CACNA2D3: variants seen among roughly 807,000 people sequenced by gnomAD.
CACNA2D3 encodes the protein calcium voltage-gated channel auxiliary subunit alpha2delta 3.
A neutral mutation model predicts 160.6 loss-of-function variants in CACNA2D3; 60 were observed. The observed-to-expected ratio is 0.37, with a 90% CI of 0.30 to 0.46. CACNA2D3 has a LOEUF of 0.46. CACNA2D3 is among the 20% of genes least tolerant of loss of function. The pLI, the probability that CACNA2D3 is intolerant of heterozygous loss-of-function variation, is 1.00. For synonymous variants in CACNA2D3, 558 were observed against 492.9 expected, an observed-to-expected ratio of 1.13 and a Z score of -1.75; for missense variants, 1,205 against 1,365.0, an observed-to-expected ratio of 0.88 and a Z score of 1.85.
chr3:54,523,446 A>G (rs1701678161), intron 5 of CACNA2D3, among the ~76,000 whole-genome samples: 1 of 152,184 alleles, frequency 6.6e-6, no homozygotes, highest in African/African-American at 2.4e-5. Flanking sequence ...TTGGTTTGTT[A>G]GTATGACGTT....
rs543916846 is a variant in CACNA2D3, at chr3:55,061,935, ATATC to A, written c.2988-11509_2988-11506del. ...TTTGTACCAAAAGAAGGGAGATTGG[ATATC>A]AAAGAGAAACTTCTATAGAAGGTCA... On this transcript the variant is annotated intron_variant, in intron 35 of 37. Transcript: ENST00000474759. Among the ~76,000 whole-genome samples the A allele has an allele frequency of 6.2e-4, 95 of 152,276 alleles. 2 individuals carry two copies. The South Asian group carries it at 0.019, about 31-fold the overall frequency.
chr3:54,798,226 G>A (rs1702908267), intron 13 of CACNA2D3, among the ~76,000 whole-genome samples: 1 of 152,138 alleles, frequency 6.6e-6, no homozygotes, highest in South Asian at 2.1e-4. Flanking sequence ...TTTACATAGT[G>A]TCATTTTCTA....
Position 54,286,163 on chromosome 3 carries a change from A to G in CACNA2D3, c.205-34279A>G, listed in dbSNP as rs112652500. 8.2e-3 allele frequency among the ~76,000 whole-genome samples: 1,253 copies of G among 152,344 alleles called. 14 individuals are homozygous for G. Among genetic ancestry groups the G allele is most frequent in the African/African-American group, 0.027 (1,103 of 41,574 alleles). On this transcript the variant is annotated intron_variant, in intron 2 of 37. Coordinates refer to ENST00000474759, the MANE Select transcript of CACNA2D3 (RefSeq NM_018398.3). The stretch of plus-strand genomic sequence containing the variant: ...AGGAGGAAATTCAAACCAATGGCAA[A>G]GAAGTTAAAAACTTTGAAAAAAAAT...
chr3:54,322,246 G>A (rs546106449), intron 3 of CACNA2D3, among the ~76,000 whole-genome samples: 4 of 152,224 alleles, frequency 2.6e-5, no homozygotes, highest in Admixed American at 1.3e-4. Flanking sequence ...GAACTGTCCC[G>A]AATCTCAGTT....
At chr3:54,258,425 C>A (rs1378740327) in intron 2 of CACNA2D3, among the ~76,000 whole-genome samples, 1 of 152,022 alleles carries the variant, frequency 6.6e-6, no homozygotes, top group Non-Finnish European at 1.5e-5. Flanking sequence ...AACTGTATAC[C>A]CAAATCTGTA....
chr3:54,933,625 A>G (rs1317742890), intron 27 of CACNA2D3, among the ~76,000 whole-genome samples: 1 of 152,180 alleles, frequency 6.6e-6, no homozygotes, highest in Non-Finnish European at 1.5e-5. Context: ...ATTTTATTGC[A>G]TTATCTCACT....
chr3:54,800,729 G>A (rs759372386), intron 13 of CACNA2D3, among the ~76,000 whole-genome samples: 1 of 152,156 alleles, frequency 6.6e-6, no homozygotes, highest in Non-Finnish European at 1.5e-5. Flanking sequence ...TCTAGGCAGG[G>A]CTGTACTACT....
intron 4 of CACNA2D3, among the ~76,000 whole-genome samples, chr3:54,467,723 A>G (rs1575472941): frequency 2.0e-5 from 3 of 152,130 alleles, no homozygotes; most frequent in African/African-American, 7.2e-5. Flanking sequence ...AGAGGATGGG[A>G]GGGTACAGGG....
At chr3:54,560,156 G>A (rs189585371) in intron 5 of CACNA2D3, among the ~76,000 whole-genome samples, 8 of 152,164 alleles carry the variant, frequency 5.3e-5, no homozygotes, top group East Asian at 3.8e-4. Flanking sequence ...TTGAGGAATC[G>A]CTACACTGTC....
chr3:54,640,204 A>T (rs1331620392), intron 10 of CACNA2D3, among the ~76,000 whole-genome samples: 1 of 152,238 alleles, frequency 6.6e-6, no homozygotes, highest in African/African-American at 2.4e-5. Flanking sequence ...GAGGCCTGAC[A>T]TTCCCAAAGA....
At chr3:54,918,335 T>TTC (rs1700719898) in intron 27 of CACNA2D3, 3 of 124,966 alleles carry the variant, frequency 2.4e-5, no homozygotes, top group African/African-American at 4.9e-5. Flanking sequence ...TTTTTTTCTT[T>TTC]TTTTTTTTTT....
chr3:54,801,144 G>A lies in CACNA2D3; in HGVS notation c.1381-15709G>A, dbSNP rs777169036. On this transcript the variant is annotated intron_variant, in intron 13 of 37. Coordinates refer to ENST00000474759, the MANE Select transcript of CACNA2D3 (RefSeq NM_018398.3). ...TGGGACTATAGGCACCCAGCACCAC[G>A]CCTGGCTAATTTTTGTATTTTTTAT... Among the ~76,000 whole-genome samples the A allele has an allele frequency of 4.6e-5, 7 of 151,876 alleles. No individual in the cohort carries two copies. The South Asian group carries it at 8.3e-4, about 18-fold the overall frequency.
At chr3:54,872,864 A>G (rs907487922) in intron 18 of CACNA2D3, among the ~76,000 whole-genome samples, 9 of 152,100 alleles carry the variant, frequency 5.9e-5, no homozygotes, top group East Asian at 3.9e-4. Flanking sequence ...GCTCAATAGC[A>G]TGGTCGAGTT....
intron 3 of CACNA2D3, among the ~76,000 whole-genome samples, chr3:54,368,122 T>G (rs1698857532): frequency 6.6e-6 from 1 of 152,194 alleles, no homozygotes; most frequent in Non-Finnish European, 1.5e-5. Flanking sequence ...ATAGCTTGTT[T>G]TGACTTATTT....
intron 11 of CACNA2D3, among the ~76,000 whole-genome samples, chr3:54,717,989 G>A (rs1701095633): frequency 6.6e-6 from 1 of 152,156 alleles, no homozygotes; most frequent in Non-Finnish European, 1.5e-5. Context: ...TATTAGAAAT[G>A]TATATGAAAT....
chr3:54,807,803 C>G (rs1319108471), intron 13 of CACNA2D3, among the ~76,000 whole-genome samples: 14 of 151,590 alleles, frequency 9.2e-5, no homozygotes, highest in South Asian at 2.1e-4. Context: ...TTGGAACCAA[C>G]CCAAATGTCC....
At chr3:54,616,498 C>A (rs1698853107) in intron 9 of CACNA2D3, among the ~76,000 whole-genome samples, 1 of 152,198 alleles carries the variant, frequency 6.6e-6, no homozygotes. Context: ...CATACCATCA[C>A]TTCTATGACA....
intron 16 of CACNA2D3, among the ~76,000 whole-genome samples, chr3:54,844,608 C>T (rs765363822): frequency 4.6e-5 from 7 of 152,036 alleles, no homozygotes; most frequent in South Asian, 2.1e-4. Flanking sequence ...TATTGTTAAC[C>T]GCACGATAGG....
intron 2 of CACNA2D3, among the ~76,000 whole-genome samples, chr3:54,129,958 C>T (rs1433574391): frequency 6.6e-6 from 1 of 152,192 alleles, no homozygotes. Flanking sequence ...GAGAATGAAC[C>T]AGGGCAGTAG....
Sources: gnomAD v4.1 joint callset for allele counts (sites outside exome capture counted in the v4.1 genomes callset) on GRCh38, gnomAD v4.1.1 for gene constraint, MANE v1.5 for transcripts, NCBI Gene and HGNC (gene_info 2026-07-23, HGNC 2026-07-21) for gene names.